TOM1L2: variants seen among roughly 807,000 people sequenced by gnomAD.
TOM1L2 encodes TOM1-like protein 2.
TOM1L2 carries 31 observed loss-of-function variants against 67.9 expected under a neutral mutation model. The observed-to-expected ratio is 0.46, with a 90% CI of 0.34 to 0.62. The LOEUF (loss-of-function observed/expected upper bound fraction) is 0.62. TOM1L2 is among the 20% of genes least tolerant of loss of function. TOM1L2 has a pLI of 0.01. For synonymous variants in TOM1L2, 256 were observed against 254.0 expected, an observed-to-expected ratio of 1.01 and a Z score of -0.07; for missense variants, 606 against 663.5, an observed-to-expected ratio of 0.91 and a Z score of 0.95.
At chr17:17,898,047 T>A (rs1057172118) in intron 3 of TOM1L2, among the ~76,000 whole-genome samples, 4 of 150,066 alleles carry the variant, frequency 2.7e-5, no homozygotes, top group Non-Finnish European at 5.9e-5. Context: ...TGCCTCAGCC[T>A]CCTGAGTAGC....
intron 7 of TOM1L2, among the ~76,000 whole-genome samples, chr17:17,870,978 A>T (rs567621336): frequency 6.6e-6 from 1 of 152,310 alleles, no homozygotes; most frequent in Non-Finnish European, 1.5e-5. Flanking sequence ...TCTAGACTGA[A>T]GCTCCTTGAG....
intron 1 of TOM1L2, among the ~76,000 whole-genome samples, chr17:17,913,190 A>G (rs1777977267): frequency 6.6e-6 from 1 of 150,454 alleles, no homozygotes; most frequent in Non-Finnish European, 1.5e-5. Flanking sequence ...ACAGAGGGAG[A>G]GGGAGACCGT....
chr17:17,859,116 G>C (rs970652909), intron 12 of TOM1L2: 1 of 152,094 alleles, frequency 6.6e-6, no homozygotes, highest in Non-Finnish European at 1.5e-5. Context: ...CACTCTTCTT[G>C]CCCAGGCCCG....
intron 1 of TOM1L2, among the ~76,000 whole-genome samples, chr17:17,923,869 G>C (rs560283630): frequency 1.3e-5 from 2 of 152,068 alleles, no homozygotes; most frequent in Admixed American, 6.6e-5. Context: ...CGGGCGCGGT[G>C]GCTGTCGCCT....
intron 1 of TOM1L2, among the ~76,000 whole-genome samples, chr17:17,923,093 G>GTGC (rs1568286783): frequency 6.6e-6 from 1 of 152,158 alleles, no homozygotes; most frequent in African/African-American, 2.4e-5. Context: ...CATACCTGCT[G>GTGC]TGCTCATTAA....
chr17:17,954,993 G>A (rs151150802), intron 1 of TOM1L2, among the ~76,000 whole-genome samples: 6 of 152,264 alleles, frequency 3.9e-5, no homozygotes, highest in African/African-American at 1.2e-4. Flanking sequence ...TCACCCTAGA[G>A]CAATGTCTTT....
At chr17:17,853,408 C>T (rs948967002) in intron 12 of TOM1L2, among the ~76,000 whole-genome samples, 1 of 152,150 alleles carries the variant, frequency 6.6e-6, no homozygotes, top group African/African-American at 2.4e-5. Flanking sequence ...TCAGATTTTT[C>T]TTGTAATTGT....
chr17:17,924,120 G>A (rs1285845400), intron 1 of TOM1L2, among the ~76,000 whole-genome samples: 1 of 152,128 alleles, frequency 6.6e-6, no homozygotes, highest in Non-Finnish European at 1.5e-5. Context: ...ATGGGCAACA[G>A]AGCAAGACTC....
At chr17:17,868,484 C>T (rs984575931) in intron 8 of TOM1L2, among the ~76,000 whole-genome samples, 6 of 152,170 alleles carry the variant, frequency 3.9e-5, no homozygotes, top group Admixed American at 2.0e-4. Context: ...GCAGAGGGGA[C>T]CAGGACCTTA....
chr17:17,900,724 T>G (rs1417382744), intron 2 of TOM1L2, among the ~76,000 whole-genome samples: 2 of 152,164 alleles, frequency 1.3e-5, no homozygotes, highest in African/African-American at 4.8e-5. Flanking sequence ...CAAGGCCAAG[T>G]ATGTCTGCAG....
rs2035580937 is a variant in TOM1L2 at position 17,845,234 on chromosome 17, G to C, written c.*2401C>G. ...TGAGGGGTGGCTCCAGGCTAGGAAG[G>C]CAGGTGACACTTGTCAGCATGGCCA... is the stretch of plus-strand genomic sequence containing the variant. On this transcript the variant is annotated 3_prime_UTR_variant, in exon 15 of 15. Transcript: ENST00000379504. 6.6e-6 allele frequency: 1 copy of C among 152,246 alleles called. No individual in the cohort carries two copies. Among genetic ancestry groups the C allele is most frequent in the Non-Finnish European group, 1.5e-5 (1 of 68,042 alleles). The allele number at this position is 152,246 out of a possible 1,614,324, so 9.4% of individuals were successfully genotyped here.
intron 12 of TOM1L2, among the ~76,000 whole-genome samples, chr17:17,853,957 G>A (rs951926287): frequency 6.6e-6 from 1 of 152,188 alleles, no homozygotes; most frequent in African/African-American, 2.4e-5. Context: ...TGGTGCTTCT[G>A]TTTTCTAATT....
intron 1 of TOM1L2, among the ~76,000 whole-genome samples, chr17:17,926,629 G>A (rs906966662): frequency 1.3e-5 from 2 of 152,046 alleles, no homozygotes; most frequent in Non-Finnish European, 2.9e-5. Flanking sequence ...TTTGGAGGCC[G>A]AGGCGGGCGG....
chr17:17,935,468 A>G (rs2040481467), intron 1 of TOM1L2, among the ~76,000 whole-genome samples: 1 of 152,186 alleles, frequency 6.6e-6, no homozygotes, highest in Non-Finnish European at 1.5e-5. Flanking sequence ...CCTTCTCCAC[A>G]TCCTCTTACT....
At chr17:17,907,054 G>T (rs1026478502) in intron 2 of TOM1L2, among the ~76,000 whole-genome samples, 2 of 152,246 alleles carry the variant, frequency 1.3e-5, no homozygotes, top group Non-Finnish European at 2.9e-5. Flanking sequence ...GGACACGGTG[G>T]TGCTCTCTGA....
At chr17:17,911,691 G>A (rs1026611831) in intron 1 of TOM1L2, among the ~76,000 whole-genome samples, 1 of 149,212 alleles carries the variant, frequency 6.7e-6, no homozygotes, top group African/African-American at 2.5e-5. Context: ...ATTCTTGGGT[G>A]TTTCTCACAG....
At chr17:17,870,267 G>A (rs1455019648) in intron 7 of TOM1L2, among the ~76,000 whole-genome samples, 1 of 152,162 alleles carries the variant, frequency 6.6e-6, no homozygotes, top group Non-Finnish European at 1.5e-5. Context: ...ACATCCCCGT[G>A]ACGACAGAGC....
intron 10 of TOM1L2, 123 bp from the exon 11 acceptor site, chr17:17,862,971 G>GGGA: frequency 5.1e-6 from 2 of 389,816 alleles, no homozygotes; most frequent in Non-Finnish European, 5.1e-6. Context: ...GGTGGGGCGG[G>GGGA]ACTTTCCTTG....
chr17:17,913,922 T>C (rs1002669324), intron 1 of TOM1L2, among the ~76,000 whole-genome samples: 2 of 152,204 alleles, frequency 1.3e-5, no homozygotes, highest in African/African-American at 4.8e-5. Flanking sequence ...TGTACTTTCT[T>C]CTCCATGAGA....
Sources: gnomAD v4.1 joint callset for allele counts (sites outside exome capture counted in the v4.1 genomes callset) on GRCh38, gnomAD v4.1.1 for gene constraint, MANE v1.5 for transcripts, NCBI Gene and HGNC (gene_info 2026-07-23, HGNC 2026-07-21) for gene names.